The following FHIT variants were observed in gnomAD, a reference collection of about 807,000 sequenced individuals.
FHIT encodes bis(5'-adenosyl)-triphosphatase.
Under a neutral mutation model 17.9 loss-of-function variants are expected in FHIT, and 19 were observed. The ratio of observed to expected loss-of-function variants is 1.06; its 90% CI spans 0.74 to 1.56. FHIT has a LOEUF of 1.56. Ranked by LOEUF, FHIT falls within the 40% of genes most tolerant of loss-of-function variation. The pLI, the probability that FHIT is intolerant of heterozygous loss-of-function variation, is 0.00. For synonymous variants in FHIT, 81 were observed against 69.7 expected (o/e 1.16, Z -0.81); for missense variants, 248 against 189.2 (o/e 1.31, Z -1.82).
intron 2 of FHIT, among the ~76,000 whole-genome samples, chr3:61,123,368 G>A (rs2036515438): frequency 6.6e-6 from 1 of 152,056 alleles, no homozygotes. Flanking sequence ...GGGCGCTAGG[G>A]TAAGGATAGC....
chr3:61,015,299 C>A (rs138337081), intron 3 of FHIT, among the ~76,000 whole-genome samples: 1 of 152,056 alleles, frequency 6.6e-6, no homozygotes, highest in Admixed American at 6.6e-5. Flanking sequence ...CTCTGACCAG[C>A]CTCTCTGTAT....
chr3:60,617,385 C>G (rs960623538), intron 4 of FHIT: 1 of 200,428 alleles, frequency 5.0e-6, no homozygotes, highest in African/African-American at 2.3e-5. Context: ...ACCAATGTCC[C>G]TTGTACCTTT....
chr3:60,917,296 G>C (rs782114911), intron 3 of FHIT, among the ~76,000 whole-genome samples: 30 of 152,208 alleles, frequency 2.0e-4, no homozygotes. Context: ...TGTGTGCTAA[G>C]ATTACCAGGC....
chr3:60,691,115 T>G (rs1471378779), intron 4 of FHIT, among the ~76,000 whole-genome samples: 1 of 150,546 alleles, frequency 6.6e-6, no homozygotes. Context: ...CCTTCAATTT[T>G]TGTTTTTTGG....
chr3:60,013,959 G>A (rs769537996), intron 6 of FHIT, 48 bp downstream of exon 6: 1 of 1,586,756 alleles, frequency 6.3e-7, no homozygotes, highest in African/African-American at 1.3e-5. Flanking sequence ...CCCAATGCCG[G>A]GATATGAAAG....
At position 60,860,594 on chromosome 3, in the gene FHIT, T is replaced by C. The variant is rs1383901945; in HGVS notation, c.-110-38583A>G. On this transcript the variant is annotated intron_variant, in intron 3 of 9. Coordinates refer to ENST00000492590, the MANE Select transcript of FHIT (RefSeq NM_002012.4). ...ATATATGATACATATGTATCATATA[T>C]CAGGTATATATGATACATATGTACA... 1.8e-4 allele frequency among the ~76,000 whole-genome samples: 12 copies of C among 65,986 alleles called. 1 individual carries two copies. Among genetic ancestry groups the C allele is most frequent in the African/African-American group, 6.1e-4 (12 of 19,780 alleles). The allele number at this position is 65,986 out of a possible 152,430, so 43.3% of individuals were successfully genotyped here. A position where few individuals can be genotyped will look rare whatever the true frequency, so the allele number is the denominator to read the frequency against.
At chr3:60,719,783 A>T (rs1326366943) in intron 4 of FHIT, among the ~76,000 whole-genome samples, 1 of 152,170 alleles carries the variant, frequency 6.6e-6, no homozygotes, top group Non-Finnish European at 1.5e-5. Flanking sequence ...TGGAGATGGC[A>T]TTCATCGTCT....
chr3:60,166,524 T>C (rs1701183601), intron 5 of FHIT, among the ~76,000 whole-genome samples: 1 of 152,112 alleles, frequency 6.6e-6, no homozygotes, highest in African/African-American at 2.4e-5. Flanking sequence ...AATTCTCAGA[T>C]TCACCCTGAA....
chr3:59,995,361 C>G (rs1474536678), intron 7 of FHIT, among the ~76,000 whole-genome samples: 1 of 152,102 alleles, frequency 6.6e-6, no homozygotes. Flanking sequence ...GCTTTCACCT[C>G]TCAAGTGTCT....
intron 5 of FHIT, among the ~76,000 whole-genome samples, chr3:60,218,429 G>A (rs1703799463): frequency 6.6e-6 from 1 of 152,098 alleles, no homozygotes; most frequent in African/African-American, 2.4e-5. Flanking sequence ...TTATAAAACA[G>A]TTGATAAGAA....
chr3:60,776,010 A>G (rs1700206776), intron 4 of FHIT, among the ~76,000 whole-genome samples: 1 of 152,068 alleles, frequency 6.6e-6, no homozygotes, highest in Non-Finnish European at 1.5e-5. Context: ...TCTCTACCCC[A>G]TCAGCAAGTT....
chr3:60,487,860 A>G (rs1046484126), intron 5 of FHIT, among the ~76,000 whole-genome samples: 10 of 152,206 alleles, frequency 6.6e-5, no homozygotes, highest in Non-Finnish European at 8.8e-5. Flanking sequence ...TATCTCAAAG[A>G]TATAACCAGG....
intron 5 of FHIT, among the ~76,000 whole-genome samples, chr3:60,468,332 T>C (rs141043835): frequency 2.1e-3 from 325 of 152,232 alleles, no homozygotes; most frequent in African/African-American, 7.5e-3. Flanking sequence ...TCCTGCTATT[T>C]TGTTATTTGT....
chr3:59,802,304 T>C (rs1164502027), intron 8 of FHIT, among the ~76,000 whole-genome samples: 1 of 152,202 alleles, frequency 6.6e-6, no homozygotes, highest in African/African-American at 2.4e-5. Context: ...CAGTTTCCTT[T>C]TAATACTCCT....
chr3:59,758,420 A>T (rs1043560110), intron 8 of FHIT, among the ~76,000 whole-genome samples: 4 of 152,204 alleles, frequency 2.6e-5, no homozygotes, highest in African/African-American at 9.6e-5. Context: ...TTGTTTAAAG[A>T]TGGAATAGGC....
chr3:60,784,288 A>G (rs923498230), intron 4 of FHIT, among the ~76,000 whole-genome samples: 2 of 151,748 alleles, frequency 1.3e-5, no homozygotes, highest in African/African-American at 2.4e-5. Context: ...TCTGAAAATG[A>G]AGGCTGTTCT....
At chr3:60,659,610 C>T (rs1168855544) in intron 4 of FHIT, among the ~76,000 whole-genome samples, 2 of 152,046 alleles carry the variant, frequency 1.3e-5, no homozygotes, top group Non-Finnish European at 2.9e-5. Flanking sequence ...AAAAATTTCT[C>T]GTTCTATTTT....
chr3:60,613,913 A>C (rs1048457235), intron 4 of FHIT, among the ~76,000 whole-genome samples: 1 of 152,118 alleles, frequency 6.6e-6, no homozygotes, highest in Non-Finnish European at 1.5e-5. Context: ...ATGAAGTAGG[A>C]AGCAGAGGTG....
intron 5 of FHIT, among the ~76,000 whole-genome samples, chr3:60,060,179 T>C (rs1361612107): frequency 2.0e-5 from 3 of 149,726 alleles, no homozygotes; most frequent in Non-Finnish European, 4.4e-5. Flanking sequence ...AAGGTATAAT[T>C]GGTGTTAAAA....
Sources: gnomAD v4.1 joint callset for allele counts (sites outside exome capture counted in the v4.1 genomes callset) on GRCh38, gnomAD v4.1.1 for gene constraint, MANE v1.5 for transcripts, NCBI Gene and HGNC (gene_info 2026-07-23, HGNC 2026-07-21) for gene names.